Variants in DMD observed in about 807,000 individuals in gnomAD.
The protein encoded by DMD is dystrophin.
In DMD, 63 loss-of-function variants were observed where a neutral mutation model predicts 330.1. The ratio of observed to expected loss-of-function variants is 0.19; its 90% confidence interval spans 0.16 to 0.24. The LOEUF (loss-of-function observed/expected upper bound fraction) is 0.24. Ranked by LOEUF, DMD falls within the 10% of genes least tolerant of loss-of-function variation. DMD has a pLI of 1.00. For missense variants in DMD, 3,344 were observed against 2,684.1 expected, an observed-to-expected ratio of 1.25 and a Z score of -5.43; for synonymous variants, 1,223 against 959.8, an observed-to-expected ratio of 1.27 and a Z score of -5.07.
intron 67 of DMD, among the ~76,000 whole-genome samples, chrX:31,203,398 CGACAGA>C (rs992655661): frequency 1.8e-5 from 2 of 108,479 alleles, no homozygotes; most frequent in Non-Finnish European, 3.8e-5. Context: ...GCACTGACTA[CGACAGA>C]GAAAAAGCAA....
intron 44 of DMD, among the ~76,000 whole-genome samples, chrX:32,084,163 A>G (rs1482166828): frequency 6.3e-5 from 7 of 111,890 alleles, no homozygotes; most frequent in Admixed American, 5.7e-4. Flanking sequence ...TTAGGTAAGT[A>G]AAAAAGCTTT....
Position 32,649,800 on chromosome X carries a change from A to T in DMD, c.961-4648T>A, listed in dbSNP as rs772158485. On this transcript the variant is annotated intron_variant, in intron 9 of 78. Transcript: ENST00000357033. ...AATATATAAATATATTTTAAAATCCAGTTTACTATCTGTCTGATCTTGGGT... is the reference window on the plus strand; with the variant it reads ...AATATATAAATATATTTTAAAATCCTGTTTACTATCTGTCTGATCTTGGGT... 3.6e-5 allele frequency among the ~76,000 whole-genome samples: 4 copies of T among 110,785 alleles called. No individual in the cohort carries two copies. The East Asian group carries it at 1.1e-3, about 31-fold the overall frequency.
Position 32,573,598 on chromosome X carries a change from C to A in DMD, c.1744G>T (p.Val582Leu), listed in dbSNP as rs770659250. ...AAGCCAGTTGTGTGAATCTTGTTCA[C>A]TGCATCTTCTTTTTCTGAAAGCCAT... ...SAWLSEKEDA[V>L]NKIHTTGFKD... The change falls in exon 15 of 79, where the codon GTG becomes TTG. Residue 582 changes from valine to leucine, a missense_variant. Transcript: ENST00000357033. The A allele has an allele frequency of 1.7e-6, 2 of 1,211,671 alleles. No individual in the cohort carries two copies. The highest frequency in any genetic ancestry group is 3.5e-5 in the South Asian group (2 of 57,011).
At chrX:31,670,720 C>T (rs1042018240) in intron 53 of DMD, among the ~76,000 whole-genome samples, 4 of 111,352 alleles carry the variant, frequency 3.6e-5, no homozygotes, top group African/African-American at 6.5e-5. Flanking sequence ...GTGTTTTTCC[C>T]GTGGTCAGTG....
At chrX:31,815,453 A>AAAAAAAAAAG (rs1048248299) in intron 50 of DMD, among the ~76,000 whole-genome samples, 2 of 110,287 alleles carry the variant, frequency 1.8e-5, no homozygotes, top group Non-Finnish European at 3.8e-5. Flanking sequence ...CAGTCTCAAA[A>AAAAAAAAAAG]AAAAAGAGAG....
intron 1 of DMD, among the ~76,000 whole-genome samples, chrX:33,156,610 G>A (rs953741537): frequency 8.9e-6 from 1 of 112,031 alleles, no homozygotes; most frequent in Admixed American, 9.5e-5. Flanking sequence ...AAACAAAGTA[G>A]AAGGAGGAAA....
intron 2 of DMD, 138 bp from the exon 3 acceptor site, chrX:32,849,958 G>A: frequency 1.9e-6 from 1 of 514,882 alleles, no homozygotes; most frequent in Admixed American, 4.0e-5. Flanking sequence ...GATGACGGAT[G>A]AAAAAAGGAA....
At chrX:32,741,615 G>C (rs1359093140) in intron 7 of DMD, among the ~76,000 whole-genome samples, 1 of 111,254 alleles carries the variant, frequency 9.0e-6, no homozygotes, top group Non-Finnish European at 1.9e-5. Context: ...CATATAAATG[G>C]ACTTCAGAGA....
chrX:33,011,702 G>A (rs2093704101), intron 2 of DMD, among the ~76,000 whole-genome samples: 1 of 112,253 alleles, frequency 8.9e-6, no homozygotes, highest in South Asian at 3.6e-4. Flanking sequence ...TTTGTTAAAT[G>A]TTGAAAGGTT....
intron 43 of DMD, among the ~76,000 whole-genome samples, chrX:32,236,346 C>A (rs951848832): frequency 8.9e-6 from 1 of 112,365 alleles, no homozygotes; most frequent in Non-Finnish European, 1.9e-5. Context: ...AAATTACACT[C>A]TAAATTGGTT....
chrX:31,396,239 G>C (rs978418202), intron 60 of DMD, among the ~76,000 whole-genome samples: 10 of 107,793 alleles, frequency 9.3e-5, no homozygotes, highest in African/African-American at 3.4e-4. Flanking sequence ...CCGGGTTCAC[G>C]CCATTCTCCT....
At chrX:31,472,314 T>A (rs868445991) in intron 59 of DMD, among the ~76,000 whole-genome samples, 1 of 112,180 alleles carries the variant, frequency 8.9e-6, no homozygotes, top group Non-Finnish European at 1.9e-5. Context: ...TAAGAAAAGA[T>A]AAGTTTTCCT....
At chrX:31,266,432 G>A (rs1240863934) in intron 62 of DMD, among the ~76,000 whole-genome samples, 1 of 112,510 alleles carries the variant, frequency 8.9e-6, no homozygotes, top group Non-Finnish European at 1.9e-5. Context: ...CGACGATTTA[G>A]GAACAGCCAG....
intron 1 of DMD, among the ~76,000 whole-genome samples, chrX:33,319,132 G>T (rs997537473): frequency 1.8e-5 from 2 of 110,438 alleles, no homozygotes; most frequent in Admixed American, 9.8e-5. Flanking sequence ...CTGTCATCAG[G>T]CACAGAGTGT....
chrX:33,176,296 T>C (rs2049643930), intron 1 of DMD, among the ~76,000 whole-genome samples: 1 of 110,986 alleles, frequency 9.0e-6, no homozygotes, highest in Non-Finnish European at 1.9e-5. Flanking sequence ...AAACTTCTGT[T>C]TCTGAATTAG....
At chrX:32,672,126 T>A (rs189951390) in intron 9 of DMD, among the ~76,000 whole-genome samples, 68 of 111,655 alleles carry the variant, frequency 6.1e-4, no homozygotes, top group Non-Finnish European at 1.2e-3. Context: ...AATAAACTTT[T>A]GCTAAATTTT....
intron 44 of DMD, among the ~76,000 whole-genome samples, chrX:32,120,346 A>G (rs1603626291): frequency 8.9e-6 from 1 of 112,003 alleles, no homozygotes. Flanking sequence ...AAGTTACTGG[A>G]CCAGCAACTT....
At chrX:31,401,306 T>G (rs2061180437) in intron 60 of DMD, among the ~76,000 whole-genome samples, 1 of 111,863 alleles carries the variant, frequency 8.9e-6, no homozygotes, top group Non-Finnish European at 1.9e-5. Context: ...TTCAATGATT[T>G]TAGAGTTGCT....
chrX:33,214,987 C>T (rs777698857), upstream of DMD, among the ~76,000 whole-genome samples: 2 of 112,084 alleles, frequency 1.8e-5, no homozygotes, highest in South Asian at 3.7e-4. Flanking sequence ...AAAATGTTTA[C>T]GTTGTTAAAA....
Sources: allele counts gnomAD v4.1 joint callset (sites outside exome capture counted in the v4.1 genomes callset), GRCh38; gene constraint gnomAD v4.1.1; transcripts MANE v1.5; gene names NCBI Gene and HGNC (gene_info 2026-07-23, HGNC 2026-07-21).